ZMAT4: variants seen among roughly 807,000 people sequenced by gnomAD.
The protein encoded by ZMAT4 is zinc finger matrin-type protein 4.
In ZMAT4, 17 loss-of-function variants were observed where a neutral mutation model predicts 28.7. The observed-to-expected ratio is 0.59, with a 90% CI of 0.41 to 0.89. ZMAT4 has a LOEUF of 0.89. Among genes scored for constraint, ZMAT4 ranks in the 40% least tolerant of loss-of-function variants. ZMAT4 has a pLI of 0.00. For synonymous variants in ZMAT4, 117 were observed against 109.2 expected, an observed-to-expected ratio of 1.07 and a Z score of -0.44; for missense variants, 240 against 283.8, an observed-to-expected ratio of 0.85 and a Z score of 1.11.
chr8:40,705,432 G>A (rs1810310497), intron 3 of ZMAT4, among the ~76,000 whole-genome samples: 1 of 152,088 alleles, frequency 6.6e-6, no homozygotes, highest in African/African-American at 2.4e-5. Flanking sequence ...ATATTTAAAT[G>A]TGCTTATTTA....
At chr8:40,782,812 T>C (rs10216610) in intron 2 of ZMAT4, among the ~76,000 whole-genome samples, 62,421 of 152,038 alleles carry the variant, frequency 0.41, 13,197 homozygotes, top group Middle Eastern at 0.48. Context: ...TCACCATCAC[T>C]GGTCATTGGT....
chr8:40,603,404 C>CG (rs1805465007), intron 5 of ZMAT4, among the ~76,000 whole-genome samples: 1 of 152,008 alleles, frequency 6.6e-6, no homozygotes, highest in South Asian at 2.1e-4. Flanking sequence ...TTTGGCTATG[C>CG]GGACTCTTTT....
At chr8:40,833,604 G>A (rs1422954350) in intron 1 of ZMAT4, among the ~76,000 whole-genome samples, 1 of 150,636 alleles carries the variant, frequency 6.6e-6, no homozygotes, top group African/African-American at 2.4e-5. Context: ...CCAGAGAAAG[G>A]GAACAGCAGG....
chr8:40,808,626 G>A, intron 2 of ZMAT4: 2 of 453,060 alleles, frequency 4.4e-6, no homozygotes, highest in Non-Finnish European at 8.9e-6. Context: ...GTAGGTGTGA[G>A]CTCCCGTTAC....
intron 5 of ZMAT4, among the ~76,000 whole-genome samples, chr8:40,621,442 T>A (rs986211227): frequency 6.6e-6 from 1 of 152,122 alleles, no homozygotes; most frequent in Non-Finnish European, 1.5e-5. Flanking sequence ...CCCAAAATGA[T>A]CATGTCTGAG....
rs561232832 is a variant in ZMAT4 at position 40,697,258 on chromosome 8, T to C, written c.336A>G (p.Pro112=). 5.6e-5 allele frequency: 91 copies of C among 1,610,646 alleles called. No individual in the cohort carries two copies. The South Asian group carries it at 9.6e-4, about 17-fold the overall frequency. The change falls in exon 4 of 7, where the codon CCA becomes CCG. Residue 112 remains proline, a synonymous_variant. Coordinates refer to ENST00000297737, the MANE Select transcript of ZMAT4 (RefSeq NM_024645.3). Reference sequence around the variant, plus strand: ...TCCTGCACGTACCTGTGGTCTTTAATGGGGTCTTCTCTCCTAGCAAGAGTT... The same window carrying C: ...TCCTGCACGTACCTGTGGTCTTTAACGGGGTCTTCTCTCCTAGCAAGAGTT... ...RLKLLLGEKT[P]LKTTATPLSP... is the part of the protein sequence containing the mutation.
intron 2 of ZMAT4, among the ~76,000 whole-genome samples, chr8:40,800,228 G>T (rs556772734): frequency 8.5e-4 from 129 of 152,162 alleles, no homozygotes; most frequent in Non-Finnish European, 1.5e-3. Context: ...TAATAACAAG[G>T]CGTCAAAACA....
chr8:40,561,105 T>A (rs1349082467), intron 6 of ZMAT4, among the ~76,000 whole-genome samples: 1 of 152,182 alleles, frequency 6.6e-6, no homozygotes, highest in Non-Finnish European at 1.5e-5. Context: ...ATTTATAAGC[T>A]TTTCTGTGTA....
At chr8:40,851,752 C>A (rs1817115056) in intron 1 of ZMAT4, among the ~76,000 whole-genome samples, 1 of 152,160 alleles carries the variant, frequency 6.6e-6, no homozygotes, top group African/African-American at 2.4e-5. Flanking sequence ...AATGTCCTCC[C>A]TTATAGCTGT....
chr8:40,755,376 G>C (rs942345782), intron 3 of ZMAT4, among the ~76,000 whole-genome samples: 5 of 152,172 alleles, frequency 3.3e-5, no homozygotes, highest in African/African-American at 1.2e-4. Context: ...CATGAAAGCA[G>C]CTGTGGATAA....
chr8:40,687,611 T>C (rs978177957), intron 4 of ZMAT4, among the ~76,000 whole-genome samples: 1 of 152,182 alleles, frequency 6.6e-6, no homozygotes, highest in African/African-American at 2.4e-5. Context: ...TCAGGTTTCA[T>C]CAATTGTATG....
intron 5 of ZMAT4, among the ~76,000 whole-genome samples, chr8:40,591,971 T>G (rs1370657589): frequency 1.6e-4 from 2 of 12,512 alleles, no homozygotes; most frequent in Non-Finnish European, 4.5e-4. Context: ...CACTAGGTCT[T>G]TTATGGAAAA....
At chr8:40,594,096 C>G (rs1005727053) in intron 5 of ZMAT4, among the ~76,000 whole-genome samples, 2 of 152,188 alleles carry the variant, frequency 1.3e-5, no homozygotes, top group Non-Finnish European at 2.9e-5. Flanking sequence ...GGCACCAAAG[C>G]CAGATGGCTG....
chr8:40,657,877 A>G (rs2118843624), intron 5 of ZMAT4, among the ~76,000 whole-genome samples: 2 of 152,290 alleles, frequency 1.3e-5, no homozygotes, highest in Middle Eastern at 6.8e-3. Flanking sequence ...TATCTTACTT[A>G]GGATTCATGA....
chr8:40,711,983 G>T (rs2150508610), intron 3 of ZMAT4, among the ~76,000 whole-genome samples: 1 of 152,252 alleles, frequency 6.6e-6, no homozygotes, highest in East Asian at 1.9e-4. Context: ...GTTTATAAAA[G>T]ATGAATTCCA....
chr8:40,817,703 AG>A (rs1285969340), intron 2 of ZMAT4, among the ~76,000 whole-genome samples: 1 of 152,176 alleles, frequency 6.6e-6, no homozygotes, highest in Non-Finnish European at 1.5e-5. Context: ...CCCACTCAAC[AG>A]GGAGGCCCAC....
chr8:40,710,320 C>A (rs190972579), intron 3 of ZMAT4, among the ~76,000 whole-genome samples: 1 of 152,028 alleles, frequency 6.6e-6, no homozygotes, highest in South Asian at 2.1e-4. Flanking sequence ...TAAAGTATAT[C>A]AATAATTATG....
At chr8:40,762,407 C>A (rs1454795864) in intron 3 of ZMAT4, among the ~76,000 whole-genome samples, 1 of 152,112 alleles carries the variant, frequency 6.6e-6, no homozygotes, top group Non-Finnish European at 1.5e-5. Flanking sequence ...GTAATACCAA[C>A]ACTTTGAGAA....
At chr8:40,540,929 C>T (rs1395871304) in intron 6 of ZMAT4, among the ~76,000 whole-genome samples, 1 of 152,166 alleles carries the variant, frequency 6.6e-6, no homozygotes, top group Non-Finnish European at 1.5e-5. Flanking sequence ...GAGCATATGG[C>T]AGATGCAGTT....
Sources: allele counts gnomAD v4.1 joint callset (sites outside exome capture counted in the v4.1 genomes callset), GRCh38; gene constraint gnomAD v4.1.1; transcripts MANE v1.5; gene names NCBI Gene and HGNC (gene_info 2026-07-23, HGNC 2026-07-21).